NPFFR2: variants seen among roughly 807,000 people sequenced by gnomAD.
NPFFR2 encodes the protein G-protein coupled receptor 74.
NPFFR2 carries 15 observed loss-of-function variants against 13.1 expected under a neutral mutation model. The ratio of observed to expected loss-of-function variants is 1.15; its 90% CI spans 0.77 to 1.76. The LOEUF (loss-of-function observed/expected upper bound fraction) is 1.76, where lower values mean the gene tolerates loss of function less well. NPFFR2 is among the 40% of genes most tolerant of loss of function. The probability of loss-of-function intolerance (pLI) is 0.00; values close to 1 mark genes in which losing one functional copy is unlikely to be tolerated. For missense variants in NPFFR2, 572 were observed against 503.5 expected, an observed-to-expected ratio of 1.14 and a Z score of -1.30; for synonymous variants, 190 against 175.7, an observed-to-expected ratio of 1.08 and a Z score of -0.65.
intron 1 of NPFFR2, among the ~76,000 whole-genome samples, chr4:72,100,932 T>C (rs1721228030): frequency 1.3e-5 from 2 of 152,172 alleles, no homozygotes; most frequent in African/African-American, 2.4e-5. Flanking sequence ...ATAGGAAGTA[T>C]CTTTCTATGC....
At chr4:72,040,467 A>G (rs1162261180) in intron 1 of NPFFR2, among the ~76,000 whole-genome samples, 1 of 152,080 alleles carries the variant, frequency 6.6e-6, no homozygotes, top group Non-Finnish European at 1.5e-5. Context: ...TGTATCCTTG[A>G]TTCTGTTTCA....
intron 2 of NPFFR2, among the ~76,000 whole-genome samples, chr4:72,130,735 G>A (rs1722209898): frequency 6.6e-6 from 1 of 152,132 alleles, no homozygotes; most frequent in Non-Finnish European, 1.5e-5. Context: ...TCCTGTACCA[G>A]CCCCAGGGCT....
chr4:72,082,304 A>G (rs1264662535), intron 1 of NPFFR2, among the ~76,000 whole-genome samples: 3 of 152,172 alleles, frequency 2.0e-5, no homozygotes, highest in African/African-American at 7.2e-5. Flanking sequence ...AAAGACTGGA[A>G]TTGTTCCATT....
intron 1 of NPFFR2, among the ~76,000 whole-genome samples, chr4:72,122,307 G>T (rs564058951): frequency 2.7e-4 from 41 of 152,258 alleles, no homozygotes; most frequent in African/African-American, 8.9e-4. Flanking sequence ...AGTAGTGGGA[G>T]ACTTTAACAC....
intron 1 of NPFFR2, among the ~76,000 whole-genome samples, chr4:72,087,967 T>C (rs985712461): frequency 5.3e-5 from 8 of 151,998 alleles, no homozygotes; most frequent in African/African-American, 1.7e-4. Flanking sequence ...AAGTGTACCT[T>C]GAAAATTAAA....
chr4:72,066,412 T>C (rs973202590), intron 1 of NPFFR2, among the ~76,000 whole-genome samples: 2 of 152,170 alleles, frequency 1.3e-5, no homozygotes, highest in African/African-American at 4.8e-5. Context: ...ATGAAAAATA[T>C]ATTCAGTCCA....
intron 2 of NPFFR2, among the ~76,000 whole-genome samples, chr4:72,135,367 T>C (rs1214759605): frequency 6.6e-6 from 1 of 152,122 alleles, no homozygotes; most frequent in Non-Finnish European, 1.5e-5. Flanking sequence ...TTCTTTCTTC[T>C]ACTCATATTA....
chr4:72,049,722 A>G (rs1719485664), intron 1 of NPFFR2, among the ~76,000 whole-genome samples: 1 of 150,866 alleles, frequency 6.6e-6, no homozygotes. Flanking sequence ...AGATATTGTG[A>G]TAGAATAAGA....
At chr4:72,072,010 A>G (rs575273998) in intron 1 of NPFFR2, among the ~76,000 whole-genome samples, 22 of 152,260 alleles carry the variant, frequency 1.4e-4, no homozygotes, top group African/African-American at 4.8e-4. Context: ...GAATACATTA[A>G]GTTTGCCCCT....
intron 1 of NPFFR2, among the ~76,000 whole-genome samples, chr4:72,086,315 A>G (rs778862943): frequency 1.1e-4 from 17 of 152,088 alleles, no homozygotes; most frequent in Non-Finnish European, 2.1e-4. Context: ...AAGCTCTCCT[A>G]AGTAGGTAGC....
intron 1 of NPFFR2, among the ~76,000 whole-genome samples, chr4:72,045,965 A>G (rs1197713039): frequency 6.6e-6 from 1 of 152,186 alleles, no homozygotes; most frequent in Non-Finnish European, 1.5e-5. Context: ...TGCCCTATAT[A>G]TGCATAAGGA....
chr4:72,106,172 T>A (rs1375467833), intron 1 of NPFFR2, among the ~76,000 whole-genome samples: 1 of 152,058 alleles, frequency 6.6e-6, no homozygotes, highest in African/African-American at 2.4e-5. Flanking sequence ...ACAAGCCGAA[T>A]ACTTTGGAGA....
At chr4:72,106,348 G>A (rs892831627) in intron 1 of NPFFR2, among the ~76,000 whole-genome samples, 1 of 152,002 alleles carries the variant, frequency 6.6e-6, no homozygotes, top group Non-Finnish European at 1.5e-5. Context: ...TAATGGCGAA[G>A]CTAGGGATGA....
chr4:72,123,713 GC>G (rs1721957392), intron 1 of NPFFR2, among the ~76,000 whole-genome samples: 1 of 152,018 alleles, frequency 6.6e-6, no homozygotes, highest in Non-Finnish European at 1.5e-5. Context: ...AAATTCAACA[GC>G]CCTTCATGCT....
chr4:72,038,867 A>AATG (rs1719112141), intron 1 of NPFFR2, among the ~76,000 whole-genome samples: 1 of 147,716 alleles, frequency 6.8e-6, no homozygotes, highest in African/African-American at 2.5e-5. Context: ...ATTATATCAT[A>AATG]ATGTTGTTTT....
intron 1 of NPFFR2, among the ~76,000 whole-genome samples, chr4:72,125,834 A>G (rs1479312786): frequency 1.3e-5 from 2 of 152,190 alleles, no homozygotes; most frequent in Admixed American, 6.5e-5. Context: ...ATATAAGCTA[A>G]CTAGCAACCT....
At chr4:72,090,415 G>A (rs1305185613) in intron 1 of NPFFR2, among the ~76,000 whole-genome samples, 1 of 152,050 alleles carries the variant, frequency 6.6e-6, no homozygotes, top group African/African-American at 2.4e-5. Flanking sequence ...GCTTTTGGTA[G>A]TATTGTCATT....
intron 1 of NPFFR2, among the ~76,000 whole-genome samples, chr4:72,041,226 C>G (rs1042882834): frequency 2.6e-5 from 4 of 152,160 alleles, no homozygotes; most frequent in Non-Finnish European, 5.9e-5. Context: ...TTAGCTCCCT[C>G]TTATAAGTGA....
intron 1 of NPFFR2, among the ~76,000 whole-genome samples, chr4:72,040,300 GT>G (rs1466942152): frequency 6.6e-6 from 1 of 152,082 alleles, no homozygotes; most frequent in African/African-American, 2.4e-5. Context: ...TTTAGCATGG[GT>G]TTTTAATTCA....
Sources: allele counts gnomAD v4.1 joint callset (sites outside exome capture counted in the v4.1 genomes callset), GRCh38; gene constraint gnomAD v4.1.1; transcripts MANE v1.5; gene names NCBI Gene and HGNC (gene_info 2026-07-23, HGNC 2026-07-21).